GK: variants seen among roughly 807,000 people sequenced by gnomAD.
The protein encoded by GK is ATP:glycerol 3-phosphotransferase.
In GK, 9 loss-of-function variants were observed where a neutral mutation model predicts 56.4. That is an observed-to-expected ratio of 0.16 (90% CI 0.10 to 0.28). The LOEUF (loss-of-function observed/expected upper bound fraction) is 0.28. Ranked by LOEUF, GK falls within the 10% of genes least tolerant of loss-of-function variation. The probability of loss-of-function intolerance (pLI) is 1.00; values close to 1 mark genes in which losing one functional copy is unlikely to be tolerated. For missense variants in GK, 161 were observed against 431.4 expected (o/e 0.37, Z 5.55); for synonymous variants, 104 against 144.1 (o/e 0.72, Z 1.99).
At chrX:30,683,196 G>A (rs1233561163) in intron 4 of GK, among the ~76,000 whole-genome samples, 1 of 110,133 alleles carries the variant, frequency 9.1e-6, no homozygotes, top group Non-Finnish European at 1.9e-5. Context: ...GATGATATAT[G>A]CATATATATA....
At chrX:30,658,298 A>C (rs1932448821) in intron 1 of GK, among the ~76,000 whole-genome samples, 1 of 111,829 alleles carries the variant, frequency 8.9e-6, no homozygotes, top group African/African-American at 3.2e-5. Context: ...TCTTGTGATA[A>C]GTAGAGTTGT....
Position 30,698,821 on chromosome X carries a change from G to T in GK, c.747+1072G>T, listed in dbSNP as rs553505276. On this transcript the variant is annotated intron_variant, in intron 9 of 20. Transcript: ENST00000427190. ...GCGGAGGTTGTGGTGAGCCGAGATG[G>T]TGCCATTGCATGCCAGCCTGGGCAA... Among the ~76,000 whole-genome samples the T allele has an allele frequency of 5.1e-5, 5 of 98,601 alleles. No individual in the cohort carries two copies. In the South Asian group the frequency reaches 2.5e-3, roughly 49 times the overall value. 85.6% of individuals were successfully genotyped at this position (98,601 alleles called of 115,157 possible).
chrX:30,713,129 T>C (rs1330655488), intron 13 of GK, among the ~76,000 whole-genome samples: 3 of 111,470 alleles, frequency 2.7e-5, no homozygotes, highest in Non-Finnish European at 5.7e-5. Context: ...AGTCAGCAAA[T>C]ACACAGTTGC....
chrX:30,720,214 C>G (rs1360217347), intron 16 of GK, 119 bp downstream of exon 16: 1 of 520,870 alleles, frequency 1.9e-6, no homozygotes, highest in African/African-American at 2.3e-5. Context: ...TTAAGGCTGC[C>G]TAAATACTAA....
At chrX:30,727,377 A>G (rs1261187309) in intron 19 of GK, 89 bp from the exon 20 acceptor site, 7 of 560,575 alleles carry the variant, frequency 1.2e-5, no homozygotes, top group East Asian at 3.4e-5. Context: ...TTGTTTTGCT[A>G]TCTTGTGATT....
intron 4 of GK, among the ~76,000 whole-genome samples, chrX:30,685,863 A>G (rs1934574651): frequency 8.9e-6 from 1 of 112,012 alleles, no homozygotes; most frequent in Non-Finnish European, 1.9e-5. Flanking sequence ...TAGACCTCAT[A>G]GACTTGAGGT....
intron 4 of GK, among the ~76,000 whole-genome samples, chrX:30,683,946 C>A (rs946577462): frequency 8.0e-5 from 9 of 111,912 alleles, no homozygotes; most frequent in Non-Finnish European, 1.5e-4. Context: ...TTCTCTCTTT[C>A]CCTTTTAGCA....
At chrX:30,708,027 G>T in intron 12 of GK, 27 bp from the exon 13 acceptor site, 1 of 982,279 alleles carries the variant, frequency 1.0e-6, no homozygotes, top group Non-Finnish European at 1.4e-6. Context: ...TTCCACTACT[G>T]AAATCTTTTT....
chrX:30,672,762 C>T (rs191478591), intron 3 of GK, among the ~76,000 whole-genome samples: 4 of 111,026 alleles, frequency 3.6e-5, no homozygotes, highest in African/African-American at 9.8e-5. Context: ...TGCGGTGAGC[C>T]GAGATCGCGC....
chrX:30,662,327 G>C (rs895836931), intron 1 of GK, among the ~76,000 whole-genome samples: 4 of 111,650 alleles, frequency 3.6e-5, no homozygotes, highest in African/African-American at 1.3e-4. Flanking sequence ...TTGCGTTTTT[G>C]GTTTGGGTTA....
chrX:30,671,291 C>T (rs867360587), intron 3 of GK, among the ~76,000 whole-genome samples: 1 of 27,306 alleles, frequency 3.7e-5, no homozygotes, highest in African/African-American at 1.3e-4. Context: ...AACTCCATCT[C>T]AAAAAAAAAA....
At chrX:30,693,738 G>A (rs1226911475) in intron 5 of GK, among the ~76,000 whole-genome samples, 3 of 109,752 alleles carry the variant, frequency 2.7e-5, no homozygotes, top group East Asian at 5.8e-4. Flanking sequence ...TAGTAGAGAC[G>A]GGGTTTCACC....
rs777294226 is a variant in GK at position 30,659,899 on chromosome X, C to G, written c.79-5612C>G. On this transcript the variant is annotated intron_variant, in intron 1 of 20. Coordinates refer to ENST00000427190, the MANE Select transcript of GK (RefSeq NM_001205019.2). ...CAGTAGCTGGGATTATAGGTGTGCA[C>G]CACCACACCCAGCTAATTTTTGTAT... 1.0e-3 allele frequency among the ~76,000 whole-genome samples: 113 copies of G among 111,192 alleles called. 3 individuals are homozygous for G. The East Asian group carries it at 0.029, about 29-fold the overall frequency.
chrX:30,653,543 A>C lies in GK; in HGVS notation c.6A>C (p.Ala2=), dbSNP rs754627501. 13 of 1,209,186 alleles carry C rather than the reference A, an allele frequency of 1.1e-5. No homozygotes were observed. The highest frequency in any genetic ancestry group is 1.5e-5 in the Non-Finnish European group (13 of 893,936). M[A]ASKKAVLGPL... ...GCCGACCTGAAGCTGGTTTCATGGCAGCCTCAAAGAAGGCAGTTTTGGGGC... is the reference window on the plus strand; with the variant it reads ...GCCGACCTGAAGCTGGTTTCATGGCCGCCTCAAAGAAGGCAGTTTTGGGGC... The change falls in exon 1 of 21, where the codon GCA becomes GCC. Residue 2 remains alanine (A), a synonymous_variant. Coordinates refer to ENST00000427190, the MANE Select transcript of GK (RefSeq NM_001205019.2).
intron 4 of GK, among the ~76,000 whole-genome samples, chrX:30,679,739 C>G (rs1364434893): frequency 8.9e-6 from 1 of 111,779 alleles, no homozygotes; most frequent in East Asian, 2.8e-4. Context: ...ATGAGGAACT[C>G]TTTTCTTCTA....
At position 30,691,160 on chromosome X, in the gene GK, T is replaced by G. The variant is rs775901048; in HGVS notation, c.375T>G (p.Ser125Arg). 10 of 1,157,848 alleles carry G rather than the reference T, an allele frequency of 8.6e-6. No homozygotes were observed. The highest frequency in any genetic ancestry group is 1.1e-5 in the Non-Finnish European group (9 of 847,434). The change falls in exon 5 of 21, where the codon AGT (serine) becomes AGG (arginine). Residue 125 changes from serine (S) to arginine (R), a missense_variant. Coordinates refer to ENST00000427190, the MANE Select transcript of GK (RefSeq NM_001205019.2). ...TAAGAACCCAGTCTACCGTTGAGAG[T>G]CTTAGTAAAAGAATTCCAGGAAATA... is the stretch of plus-strand genomic sequence containing the variant. ...LDLRTQSTVE[S>R]LSKRIPGNNN... is the part of the protein sequence containing the mutation.
intron 4 of GK, among the ~76,000 whole-genome samples, chrX:30,685,076 C>T (rs1375932378): frequency 8.9e-6 from 1 of 112,278 alleles, no homozygotes; most frequent in Non-Finnish European, 1.9e-5. Flanking sequence ...AGATGACAAA[C>T]CACCTAAAAC....
At chrX:30,706,529 C>T (rs2094073114) in intron 11 of GK, among the ~76,000 whole-genome samples, 1 of 111,989 alleles carries the variant, frequency 8.9e-6, no homozygotes, top group African/African-American at 3.2e-5. Context: ...CTGTAGCAAC[C>T]TTGTTACCCC....
At chrX:30,672,738 A>G (rs1464964857) in intron 3 of GK, among the ~76,000 whole-genome samples, 2 of 110,966 alleles carry the variant, frequency 1.8e-5, no homozygotes, top group African/African-American at 6.6e-5. Context: ...CACTTGAACC[A>G]GGGAGGCAGA....
Sources: gnomAD v4.1 joint callset for allele counts (sites outside exome capture counted in the v4.1 genomes callset) on GRCh38, gnomAD v4.1.1 for gene constraint, MANE v1.5 for transcripts, NCBI Gene and HGNC (gene_info 2026-07-23, HGNC 2026-07-21) for gene names.